ZC3H4: variants seen among roughly 807,000 people sequenced by gnomAD.
The protein encoded by ZC3H4 is zinc finger CCCH-type containing 4.
A neutral mutation model predicts 108.3 loss-of-function variants in ZC3H4; 13 were observed. That is an observed-to-expected ratio of 0.12 (90% confidence interval 0.08 to 0.19). ZC3H4 has a LOEUF of 0.19. Ranked by LOEUF, ZC3H4 falls within the 10% of genes least tolerant of loss-of-function variation. ZC3H4 has a pLI of 1.00. For synonymous variants in ZC3H4, 917 were observed against 749.6 expected, an observed-to-expected ratio of 1.22 and a Z score of -3.65; for missense variants, 1,734 against 1,838.8, an observed-to-expected ratio of 0.94 and a Z score of 1.04.
At chr19:47,071,692 G>T in intron 13 of ZC3H4, 86 bp downstream of exon 13, 1 of 1,415,392 alleles carries the variant, frequency 7.1e-7, no homozygotes, top group Admixed American at 2.4e-5. Context: ...AGACTTGGAC[G>T]AAGGAAGAAA....
At chr19:47,094,961 T>C (rs2057798386) in intron 2 of ZC3H4, among the ~76,000 whole-genome samples, 1 of 152,230 alleles carries the variant, frequency 6.6e-6, no homozygotes, top group South Asian at 2.1e-4. Context: ...TGGGGATTCA[T>C]AATGCTTAAC....
chr19:47,088,990 G>A (rs764398059), intron 5 of ZC3H4, among the ~76,000 whole-genome samples: 2 of 151,812 alleles, frequency 1.3e-5, no homozygotes, highest in East Asian at 2.0e-4. Flanking sequence ...GGCAGATCAC[G>A]AGGTCACGAG....
chr19:47,083,658 G>T (rs141170358), intron 9 of ZC3H4, among the ~76,000 whole-genome samples: 2,292 of 152,196 alleles, frequency 0.015, 45 homozygotes, highest in African/African-American at 0.043. Flanking sequence ...GCAGTGAGCC[G>T]AGATCACGCC....
In ZC3H4 at chr19:47,094,075, A is replaced by G; in HGVS notation, c.387T>C (p.His129=). ...CAGAGAAGTCATCGCTAGAAGAAGC[A>G]TGGCGCTGTAATGACAGGGGAAGGA... is the stretch of plus-strand genomic sequence containing the variant. The part of the protein sequence containing the change: ...KKRRKSKHKR[H]ASSSDDFSDF... The change falls in exon 4 of 15, where the codon CAT becomes CAC. Residue 129 remains histidine (H), a synonymous_variant. Transcript: ENST00000253048. The G allele has an allele frequency of 6.2e-7, 1 of 1,614,100 alleles. No individual in the cohort carries two copies. Among genetic ancestry groups the G allele is most frequent in the Non-Finnish European group, 8.5e-7 (1 of 1,179,946 alleles).
chr19:47,075,448 C>CCCTCCT (rs937256330), intron 11 of ZC3H4, among the ~76,000 whole-genome samples: 1 of 151,876 alleles, frequency 6.6e-6, no homozygotes, highest in South Asian at 2.1e-4. Flanking sequence ...CCCTGCATCT[C>CCCTCCT]CCTCCTCCTC....
At chr19:47,096,990 G>T (rs117762814) in intron 2 of ZC3H4, 1 of 985,236 alleles carries the variant, frequency 1.0e-6, no homozygotes. Flanking sequence ...GATGCCACTC[G>T]CTGGCTCGGA....
intron 2 of ZC3H4, among the ~76,000 whole-genome samples, chr19:47,101,426 C>T (rs970601479): frequency 1.3e-5 from 2 of 151,810 alleles, no homozygotes; most frequent in African/African-American, 4.8e-5. Context: ...CTCTATGTTG[C>T]CCAGGCTGGT....
At chr19:47,074,411 C>A (rs1248474766) in intron 11 of ZC3H4, among the ~76,000 whole-genome samples, 4 of 152,200 alleles carry the variant, frequency 2.6e-5, no homozygotes, top group Non-Finnish European at 5.9e-5. Context: ...AGGGCAGACG[C>A]CCAGTGAGTG....
At chr19:47,088,245 G>C (rs2057666760) in intron 5 of ZC3H4, among the ~76,000 whole-genome samples, 1 of 150,518 alleles carries the variant, frequency 6.6e-6, no homozygotes, top group South Asian at 2.1e-4. Context: ...CGGGAGTAAG[G>C]CACAAGAATT....
At position 47,065,745 on chromosome 19, in the gene ZC3H4, C is replaced by G. The variant is rs1347635569; in HGVS notation, c.*611G>C. The G allele has an allele frequency of 6.5e-6, 1 of 152,900 alleles. No homozygotes were observed. 9.5% of individuals were successfully genotyped at this position (152,900 alleles called of 1,614,324 possible). A position where few individuals can be genotyped will look rare whatever the true frequency, so the allele number is the denominator to read the frequency against. On this transcript the variant is annotated 3_prime_UTR_variant, in exon 15 of 15. Coordinates refer to ENST00000253048, the MANE Select transcript of ZC3H4 (RefSeq NM_015168.2). The stretch of plus-strand genomic sequence containing the variant: ...TAATCCAGGGACAGGAGCAGGCATG[C>G]GCCAGGGAGCCCCCATAGTGCCGCT...
chr19:47,111,937 G>C (rs1198568610), intron 2 of ZC3H4, among the ~76,000 whole-genome samples: 3 of 152,068 alleles, frequency 2.0e-5, no homozygotes, highest in African/African-American at 2.4e-5. Flanking sequence ...CCCTAAGAGC[G>C]GGGCTGTTGT....
At position 47,067,348 on chromosome 19, in the gene ZC3H4, C is replaced by T. The variant is rs759806998; in HGVS notation, c.2920G>A (p.Ala974Thr). 2 of 1,602,784 alleles carry T rather than the reference C, an allele frequency of 1.2e-6. No individual in the cohort carries two copies. The highest frequency in any genetic ancestry group is 1.7e-6 in the Non-Finnish European group (2 of 1,173,738). The change falls in exon 15 of 15, where the codon GCC becomes ACC. Residue 974 changes from alanine to threonine, a missense_variant. Physicochemically the swap from Ala to Thr is moderately conservative, Grantham distance 58. Coordinates refer to ENST00000253048, the MANE Select transcript of ZC3H4 (RefSeq NM_015168.2). The surrounding 1 kb of genome is among the most constrained non-coding windows in gnomAD (Gnocchi z 6.4). ...TCGGGATTCCAGAGCACGGTGCGGG[C>T]GAAGCTGGGCTTGCTCAGGGTCACG... ...KDVTLSKPSF[A>T]RTVLWNPEDL...
chr19:47,068,199 C>T (rs1387248707), intron 14 of ZC3H4, among the ~76,000 whole-genome samples: 1 of 152,236 alleles, frequency 6.6e-6, no homozygotes, highest in Non-Finnish European at 1.5e-5. Context: ...AGTGCCGTTA[C>T]ATTGGAGTCA....
Position 47,066,603 on chromosome 19 carries a change from C to T in ZC3H4, c.3665G>A (p.Arg1222Gln), listed in dbSNP as rs2057202463. The T allele has an allele frequency of 3.7e-6, 6 of 1,605,266 alleles. No homozygotes were observed. Among genetic ancestry groups the T allele is most frequent in the Non-Finnish European group, 5.1e-6 (6 of 1,175,876 alleles). Residue 1222 changes from arginine (R) to glutamine (Q), a missense_variant, in exon 15 of 15, where the codon CGG (arginine) becomes CAG (glutamine). Physicochemically the swap from Arg to Gln is conservative, Grantham distance 43. Transcript: ENST00000253048. ...AGCGGGGGCTGCAGCAGCCTTGGGCCGGGGCCGGTTGTAGCTGTTGTATCT... is the reference window on the plus strand; with the variant it reads ...AGCGGGGGCTGCAGCAGCCTTGGGCTGGGGCCGGTTGTAGCTGTTGTATCT... Reference protein sequence around the residue: ...TDRYNSYNRPRPKAAAAPAAT... With the variant: ...TDRYNSYNRPQPKAAAAPAAT...
chr19:47,066,295 T>G lies in ZC3H4; in HGVS notation c.*61A>C. ...CCCCTTGCCCCCAAGTTCCCTACCC[T>G]GGGTGCTGCCCTGAATGCCACCCTA... On this transcript the variant is annotated 3_prime_UTR_variant, in exon 15 of 15. Coordinates refer to ENST00000253048, the MANE Select transcript of ZC3H4 (RefSeq NM_015168.2). 1 of 1,391,764 alleles carries G rather than the reference T, an allele frequency of 7.2e-7. No individual in the cohort carries two copies. 86.2% of individuals were successfully genotyped at this position (1,391,764 alleles called of 1,614,324 possible).
intron 11 of ZC3H4, among the ~76,000 whole-genome samples, chr19:47,077,117 A>C (rs1419870774): frequency 6.6e-6 from 1 of 151,962 alleles, no homozygotes; most frequent in Non-Finnish European, 1.5e-5. Context: ...CCAACACTGC[A>C]CTACTGCACT....
intron 2 of ZC3H4, chr19:47,112,121 C>CG (rs1324833686): frequency 3.7e-6 from 4 of 1,068,716 alleles, no homozygotes; most frequent in Admixed American, 5.4e-5. Flanking sequence ...CGGACGGGCG[C>CG]GGGGGGTCCG....
Position 47,094,620 on chromosome 19 carries a change from C to T in ZC3H4, c.162-12G>A, listed in dbSNP as rs1018798434. 1.2e-6 allele frequency: 2 copies of T among 1,613,780 alleles called. No homozygotes were observed. Among genetic ancestry groups the T allele is most frequent in the Non-Finnish European group, 1.7e-6 (2 of 1,179,772 alleles). ...ACTCTCCATCTTCCCTACAAACAAA[C>T]CCCAATCCCACCATGAACACAGGGT... is the stretch of plus-strand genomic sequence containing the variant. On this transcript the variant is annotated splice_polypyrimidine_tract_variant and intron_variant, in intron 2 of 14. Coordinates refer to ENST00000253048, the MANE Select transcript of ZC3H4 (RefSeq NM_015168.2).
At chr19:47,079,849 T>C (rs974524131) in intron 11 of ZC3H4, among the ~76,000 whole-genome samples, 8 of 152,168 alleles carry the variant, frequency 5.3e-5, no homozygotes, top group Admixed American at 5.2e-4. Flanking sequence ...ATTGTGCCAC[T>C]GCACTCCAGC....
Sources: allele counts gnomAD v4.1 joint callset (sites outside exome capture counted in the v4.1 genomes callset), GRCh38; gene constraint gnomAD v4.1.1; non-coding constraint Gnocchi (gnomAD v3.1); transcripts MANE v1.5; gene names NCBI Gene and HGNC (gene_info 2026-07-23, HGNC 2026-07-21).